The following MDGA2 variants were observed in gnomAD, a reference collection of about 807,000 sequenced individuals.
The protein encoded by MDGA2 is MAM domain-containing glycosylphosphatidylinositol anchor protein 2.
In MDGA2, 40 loss-of-function variants were observed where a neutral mutation model predicts 117.8. The observed-to-expected ratio is 0.34, with a 90% CI of 0.26 to 0.44. MDGA2 has a LOEUF of 0.44. Among genes scored for constraint, MDGA2 ranks in the 20% least tolerant of loss-of-function variants. The probability of loss-of-function intolerance (pLI) is 1.00; values close to 1 mark genes in which losing one functional copy is unlikely to be tolerated. For synonymous variants in MDGA2, 452 were observed against 439.0 expected (o/e 1.03, Z -0.37); for missense variants, 1,123 against 1,250.6 (o/e 0.90, Z 1.54).
At chr14:47,395,261 A>C (rs1891982993) in intron 1 of MDGA2, among the ~76,000 whole-genome samples, 2 of 152,134 alleles carry the variant, frequency 1.3e-5, no homozygotes, top group Admixed American at 1.3e-4. Flanking sequence ...AAAAAGAAAA[A>C]AGCTTGATGC....
At chr14:47,532,826 T>C (rs376259213) in intron 1 of MDGA2, among the ~76,000 whole-genome samples, 3 of 152,190 alleles carry the variant, frequency 2.0e-5, no homozygotes, top group South Asian at 4.1e-4. Context: ...TTAGGTTCAA[T>C]TCTAGGTTTT....
chr14:47,540,540 G>GTGTATA, intron 1 of MDGA2, among the ~76,000 whole-genome samples: 42 of 79,216 alleles, frequency 5.3e-4, no homozygotes, highest in East Asian at 4.4e-3. Context: ...GTGTGTGTGT[G>GTGTATA]TATATATATA....
chr14:47,649,277 T>C (rs1427905861), intron 1 of MDGA2, among the ~76,000 whole-genome samples: 1 of 152,204 alleles, frequency 6.6e-6, no homozygotes, highest in African/African-American at 2.4e-5. Context: ...CTTAAAAGTT[T>C]ATCTATAGAC....
chr14:47,459,364 G>T (rs1414131585), intron 1 of MDGA2, among the ~76,000 whole-genome samples: 1 of 151,928 alleles, frequency 6.6e-6, no homozygotes, highest in African/African-American at 2.4e-5. Context: ...TTTAAAGCAT[G>T]AAGAATTCCT....
intron 5 of MDGA2, among the ~76,000 whole-genome samples, chr14:47,107,294 C>A (rs998584052): frequency 6.6e-6 from 1 of 152,010 alleles, no homozygotes; most frequent in Non-Finnish European, 1.5e-5. Context: ...GTCCTAAAAC[C>A]AGACAAGTCT....
chr14:47,273,408 G>A (rs141562162), intron 2 of MDGA2, among the ~76,000 whole-genome samples: 2 of 152,114 alleles, frequency 1.3e-5, no homozygotes, highest in Non-Finnish European at 2.9e-5. Flanking sequence ...GGAAAAGTCA[G>A]AGCAAACTCA....
chr14:47,353,532 G>T, intron 1 of MDGA2, among the ~76,000 whole-genome samples: 1 of 152,158 alleles, frequency 6.6e-6, no homozygotes, highest in South Asian at 2.1e-4. Flanking sequence ...TTCGAGAAAA[G>T]ATCTTTTAGG....
intron 6 of MDGA2, among the ~76,000 whole-genome samples, chr14:47,084,086 G>C (rs1450484712): frequency 6.6e-6 from 1 of 152,174 alleles, no homozygotes; most frequent in African/African-American, 2.4e-5. Flanking sequence ...CATTTATCGA[G>C]CATTATCCCA....
intron 2 of MDGA2, among the ~76,000 whole-genome samples, chr14:47,233,661 A>T (rs1006860354): frequency 1.3e-5 from 2 of 152,196 alleles, no homozygotes; most frequent in African/African-American, 4.8e-5. Context: ...AGATGTTACT[A>T]TAGAAAATTT....
intron 3 of MDGA2, among the ~76,000 whole-genome samples, chr14:47,199,131 G>T (rs1021143829): frequency 5.3e-5 from 8 of 151,850 alleles, no homozygotes; most frequent in African/African-American, 1.9e-4. Flanking sequence ...TTTCAGACTT[G>T]TCAGCTCCCA....
intron 1 of MDGA2, among the ~76,000 whole-genome samples, chr14:47,363,536 G>A (rs1891170508): frequency 6.6e-6 from 1 of 152,122 alleles, no homozygotes; most frequent in Admixed American, 6.5e-5. Context: ...GAGATTACAG[G>A]AGTGAGTCAC....
intron 9 of MDGA2, among the ~76,000 whole-genome samples, chr14:46,938,254 T>C (rs1202350984): frequency 1.3e-5 from 2 of 151,772 alleles, no homozygotes; most frequent in African/African-American, 4.8e-5. Flanking sequence ...TAAGATATCA[T>C]CCGGCTGGGC....
At chr14:47,443,857 A>C (rs1893065952) in intron 1 of MDGA2, among the ~76,000 whole-genome samples, 1 of 152,140 alleles carries the variant, frequency 6.6e-6, no homozygotes, top group Non-Finnish European at 1.5e-5. Flanking sequence ...TTCTGCCTGG[A>C]AACTCCCAAG....
chr14:47,467,078 T>C (rs1893619871), intron 1 of MDGA2, among the ~76,000 whole-genome samples: 1 of 152,114 alleles, frequency 6.6e-6, no homozygotes, highest in South Asian at 2.1e-4. Context: ...AGTAACTCTA[T>C]TCTTTAAAAT....
intron 1 of MDGA2, among the ~76,000 whole-genome samples, chr14:47,454,011 A>C (rs1052644554): frequency 1.3e-5 from 2 of 152,220 alleles, no homozygotes; most frequent in African/African-American, 4.8e-5. Context: ...GCAGATGTTA[A>C]ATGTCATGCT....
chr14:47,216,641 T>C (rs924908697), intron 3 of MDGA2, among the ~76,000 whole-genome samples: 2 of 152,116 alleles, frequency 1.3e-5, no homozygotes, highest in African/African-American at 4.8e-5. Context: ...AAGAGGTGTA[T>C]TTTAAAATTT....
At chr14:47,098,111 T>G (rs1279361431) in intron 5 of MDGA2, among the ~76,000 whole-genome samples, 1 of 151,952 alleles carries the variant, frequency 6.6e-6, no homozygotes, top group Non-Finnish European at 1.5e-5. Context: ...AGAGCTGTAT[T>G]ATATGAAATC....
intron 2 of MDGA2, among the ~76,000 whole-genome samples, chr14:47,273,529 A>AT (rs577783110): frequency 6.6e-4 from 100 of 152,192 alleles, no homozygotes; most frequent in African/African-American, 2.3e-3. Context: ...AGCTGATCTG[A>AT]TTTTTCCTTC....
chr14:47,170,749 T>C (rs896706062), intron 3 of MDGA2, among the ~76,000 whole-genome samples: 2 of 152,274 alleles, frequency 1.3e-5, no homozygotes, highest in Admixed American at 6.5e-5. Flanking sequence ...AAGTTTCCTA[T>C]AAAAACTTCT....
Sources: gnomAD v4.1 joint callset for allele counts (sites outside exome capture counted in the v4.1 genomes callset) on GRCh38, gnomAD v4.1.1 for gene constraint, MANE v1.5 for transcripts, NCBI Gene and HGNC (gene_info 2026-07-23, HGNC 2026-07-21) for gene names.